The following TNS3 variants were observed in gnomAD, a reference collection of about 807,000 sequenced individuals.
The protein encoded by TNS3 is tensin-3.
Under a neutral mutation model 140.9 loss-of-function variants are expected in TNS3, and 45 were observed. The observed-to-expected ratio is 0.32, with a 90% CI of 0.25 to 0.41. The LOEUF (loss-of-function observed/expected upper bound fraction) is 0.41, where lower values mean the gene tolerates loss of function less well. TNS3 is among the 10% of genes least tolerant of loss of function. TNS3 has a pLI of 1.00. For synonymous variants in TNS3, 815 were observed against 788.4 expected (o/e 1.03, Z -0.56); for missense variants, 1,716 against 1,906.7 (o/e 0.90, Z 1.86).
At chr7:47,438,768 A>C (rs61478763) in intron 6 of TNS3, among the ~76,000 whole-genome samples, 19,718 of 152,154 alleles carry the variant, frequency 0.13, 1,955 homozygotes, top group African/African-American at 0.27. Context: ...AAGACAATGA[A>C]CACCTTGTAG....
intron 6 of TNS3, among the ~76,000 whole-genome samples, chr7:47,439,262 G>A (rs771732891): frequency 9.2e-5 from 14 of 152,328 alleles, no homozygotes; most frequent in Non-Finnish European, 1.6e-4. Flanking sequence ...CCATCCCTGC[G>A]GTCAGCAGTC....
intron 17 of TNS3, among the ~76,000 whole-genome samples, chr7:47,356,179 G>A (rs1053001606): frequency 7.9e-5 from 12 of 152,194 alleles, no homozygotes; most frequent in African/African-American, 2.7e-4. Flanking sequence ...GCTGGGACAC[G>A]CACCTAAGTT....
In TNS3 at chr7:47,411,619, T is replaced by A. The variant is rs1349736694; in HGVS notation, c.723+108A>T. The A allele has an allele frequency of 4.1e-6, 5 of 1,214,862 alleles. No individual in the cohort carries two copies. In the East Asian group the frequency reaches 1.3e-4, roughly 32 times the overall value. 75.3% of individuals were successfully genotyped at this position (1,214,862 alleles called of 1,614,324 possible). ...ACTTTTCCTTCTTCCTACAGGGTAC[T>A]TTTTTTGGGGGTGAGGGTTACTGTT... On this transcript the variant is annotated intron_variant, in intron 13 of 30. Transcript: ENST00000311160.
rs111618747 is a variant in TNS3, at chr7:47,283,616, C to T, written c.4097+81G>A. The T allele has an allele frequency of 1.6e-3, 2,164 of 1,322,176 alleles. 25 individuals carry two copies. In the African/African-American group the frequency reaches 0.026, roughly 16 times the overall value. 81.9% of individuals were successfully genotyped at this position (1,322,176 alleles called of 1,614,324 possible). ...GACGGCTAATGATTTACCTGGATGA[C>T]TACTCACACTAGGGAAGAACAAGAG... On this transcript the variant is annotated intron_variant, in intron 28 of 30. Coordinates refer to ENST00000311160, the MANE Select transcript of TNS3 (RefSeq NM_022748.12).
chr7:47,460,093 G>A (rs1215549215), intron 4 of TNS3, among the ~76,000 whole-genome samples: 3 of 151,802 alleles, frequency 2.0e-5, no homozygotes, highest in Admixed American at 2.0e-4. Flanking sequence ...GGCTCCTGTA[G>A]TCCCAGCTAC....
chr7:47,536,868 A>T (rs1799617683), intron 1 of TNS3, among the ~76,000 whole-genome samples: 1 of 152,178 alleles, frequency 6.6e-6, no homozygotes, highest in Non-Finnish European at 1.5e-5. Flanking sequence ...ACATACGCGC[A>T]CTGACAAGGG....
At chr7:47,389,156 GC>G (rs1792353128) in intron 16 of TNS3, among the ~76,000 whole-genome samples, 1 of 35,472 alleles carries the variant, frequency 2.8e-5, no homozygotes, top group African/African-American at 5.5e-5. Flanking sequence ...AGAAGAAGAA[GC>G]AGAAGAAGCA....
At chr7:47,569,122 C>T (rs73695394) in intron 1 of TNS3, among the ~76,000 whole-genome samples, 5,052 of 152,282 alleles carry the variant, frequency 0.033, 278 homozygotes, top group African/African-American at 0.12. Context: ...ACTCAGTCCC[C>T]GATGCAGTAT....
intron 22 of TNS3, 97 bp downstream of exon 22, chr7:47,302,853 G>A (rs1786485187): frequency 6.8e-7 from 1 of 1,474,176 alleles, no homozygotes; most frequent in Non-Finnish European, 9.1e-7. Context: ...GCCCAGCCCA[G>A]CACTAGAGAT....
At chr7:47,487,297 G>GA (rs11423288) in intron 3 of TNS3, among the ~76,000 whole-genome samples, 109,776 of 145,762 alleles carry the variant, frequency 0.75, 41,797 homozygotes, top group East Asian at 0.92. Context: ...CGTCTCAAAA[G>GA]AAAAAAAAAA....
intron 28 of TNS3, among the ~76,000 whole-genome samples, chr7:47,281,013 G>T (rs1362533460): frequency 6.6e-6 from 1 of 152,128 alleles, no homozygotes; most frequent in African/African-American, 2.4e-5. Flanking sequence ...CTGCAGGATC[G>T]TGGGGAAACC....
intron 4 of TNS3, among the ~76,000 whole-genome samples, chr7:47,463,689 G>A (rs181571840): frequency 1.4e-4 from 21 of 152,204 alleles, no homozygotes; most frequent in Admixed American, 1.1e-3. Flanking sequence ...CCTGTCTGCA[G>A]TATGAGTTGA....
chr7:47,543,890 C>T (rs2151969786), intron 1 of TNS3, among the ~76,000 whole-genome samples: 1 of 152,314 alleles, frequency 6.6e-6, no homozygotes, highest in Non-Finnish European at 1.5e-5. Context: ...CAGATGGTGA[C>T]TTCTGACATC....
chr7:47,345,518 A>G (rs1291001322), intron 18 of TNS3, among the ~76,000 whole-genome samples: 2 of 152,376 alleles, frequency 1.3e-5, no homozygotes, highest in Non-Finnish European at 2.9e-5. Flanking sequence ...GACTATGAAT[A>G]GCTTTTTTTT....
intron 27 of TNS3, among the ~76,000 whole-genome samples, chr7:47,288,407 T>G (rs1304101583): frequency 6.6e-6 from 1 of 152,268 alleles, no homozygotes; most frequent in African/African-American, 2.4e-5. Flanking sequence ...GCATAAGTTG[T>G]GATTTTAAAA....
chr7:47,449,970 GC>G (rs891100009), intron 4 of TNS3, among the ~76,000 whole-genome samples: 1 of 152,204 alleles, frequency 6.6e-6, no homozygotes, highest in African/African-American at 2.4e-5. Flanking sequence ...TCTCGTCTGA[GC>G]TCTACAGCCC....
rs147408947 is a variant in TNS3, at chr7:47,508,638, G to A, written c.-152-1694C>T. Among the ~76,000 whole-genome samples, 23 of 152,348 alleles carry A rather than the reference G, an allele frequency of 1.5e-4. No individual in the cohort carries two copies. The East Asian group carries it at 3.5e-3, about 23-fold the overall frequency. ...GCGGTTAGCCTTCCAGATGGCCTGG[G>A]TGACCTCGTCTCTTGGCCCCCATGC... On this transcript the variant is annotated intron_variant, in intron 2 of 30. Coordinates refer to ENST00000311160, the MANE Select transcript of TNS3 (RefSeq NM_022748.12).
At chr7:47,540,758 G>A (rs1321584933) in intron 1 of TNS3, among the ~76,000 whole-genome samples, 2 of 152,156 alleles carry the variant, frequency 1.3e-5, no homozygotes, top group Non-Finnish European at 2.9e-5. Context: ...GTGGTAAAGC[G>A]CCGTATTTTT....
intron 13 of TNS3, among the ~76,000 whole-genome samples, chr7:47,410,419 C>T (rs1435115145): frequency 6.6e-6 from 1 of 152,178 alleles, no homozygotes; most frequent in African/African-American, 2.4e-5. Context: ...AAGGGCTGGG[C>T]CCAGCTGTTG....
Sources: gnomAD v4.1 joint callset for allele counts (sites outside exome capture counted in the v4.1 genomes callset) on GRCh38, gnomAD v4.1.1 for gene constraint, MANE v1.5 for transcripts, NCBI Gene and HGNC (gene_info 2026-07-23, HGNC 2026-07-21) for gene names.